Variants in CABIN1 observed in about 807,000 individuals in gnomAD.
The protein encoded by CABIN1 is calcineurin-binding protein cabin-1.
A neutral mutation model predicts 227.7 loss-of-function variants in CABIN1; 133 were observed. The observed-to-expected ratio is 0.58, with a 90% CI of 0.51 to 0.67. The LOEUF is 0.67. Among genes scored for constraint, CABIN1 ranks in the 30% least tolerant of loss-of-function variants. The probability of loss-of-function intolerance (pLI) is 0.00; values close to 1 mark genes in which losing one functional copy is unlikely to be tolerated. For missense variants in CABIN1, 2,408 were observed against 2,852.5 expected (o/e 0.84, Z 3.55); for synonymous variants, 1,086 against 1,155.1 (o/e 0.94, Z 1.21).
chr22:24,069,241 T>C, intron 16 of CABIN1, among the ~76,000 whole-genome samples: 1 of 152,238 alleles, frequency 6.6e-6, no homozygotes. Flanking sequence ...CAGAATCTTT[T>C]TGTTGTTCAC....
chr22:24,089,742 C>T (rs1348556589), intron 23 of CABIN1, among the ~76,000 whole-genome samples: 1 of 152,210 alleles, frequency 6.6e-6, no homozygotes, highest in Non-Finnish European at 1.5e-5. Flanking sequence ...GTTCGAGCTG[C>T]TGTGTGCTTC....
Position 24,063,161 on chromosome 22 carries a change from C to G in CABIN1, c.1884+15C>G. The G allele has an allele frequency of 6.2e-7, 1 of 1,613,600 alleles. No individual in the cohort carries two copies. The highest frequency in any genetic ancestry group is 1.1e-5 in the South Asian group (1 of 91,034). ...TGGCGCTGCAGGTTAGTTCCATGGT[C>G]AGCTGCTTGGGGAGCATGCCCTGAC... On this transcript the variant is annotated intron_variant, in intron 14 of 36. Coordinates refer to ENST00000263119, the MANE Select transcript of CABIN1 (RefSeq NM_012295.4).
chr22:24,157,820 C>T (rs976807572), intron 29 of CABIN1, among the ~76,000 whole-genome samples: 2 of 152,164 alleles, frequency 1.3e-5, no homozygotes, highest in Non-Finnish European at 2.9e-5. Flanking sequence ...TAAGAATAGG[C>T]TGGAACCAGG....
intron 19 of CABIN1, among the ~76,000 whole-genome samples, chr22:24,078,875 AT>A (rs1043309005): frequency 3.3e-5 from 5 of 152,052 alleles, no homozygotes; most frequent in East Asian, 3.9e-4. Flanking sequence ...TTTTGTCCAC[AT>A]TTTTTTATAC....
At chr22:24,015,800 C>CA (rs916804301) in intron 1 of CABIN1, among the ~76,000 whole-genome samples, 1 of 151,312 alleles carries the variant, frequency 6.6e-6, no homozygotes. Context: ...ACTAAAAATA[C>CA]AAAAAAAATT....
chr22:24,117,690 T>A (rs1044147480), intron 27 of CABIN1, among the ~76,000 whole-genome samples: 1 of 152,240 alleles, frequency 6.6e-6, no homozygotes, highest in Admixed American at 6.5e-5. Context: ...TTATGTGTTC[T>A]AAGGACTCTG....
intron 1 of CABIN1, among the ~76,000 whole-genome samples, chr22:24,032,877 G>A (rs541222592): frequency 6.6e-6 from 1 of 152,264 alleles, no homozygotes; most frequent in South Asian, 2.1e-4. Context: ...AGGAATTCGA[G>A]ACCAGCCTGG....
chr22:24,169,092 T>C (rs1156661137), intron 33 of CABIN1, among the ~76,000 whole-genome samples: 1 of 151,494 alleles, frequency 6.6e-6, no homozygotes, highest in Non-Finnish European at 1.5e-5. Flanking sequence ...GGGTCCAAGA[T>C]ATGGCAGGGA....
At chr22:24,145,880 T>C (rs972351091) in intron 29 of CABIN1, among the ~76,000 whole-genome samples, 1 of 152,232 alleles carries the variant, frequency 6.6e-6, no homozygotes, top group East Asian at 1.9e-4. Context: ...TTGGGATTGA[T>C]TGTGGCTTTT....
intron 8 of CABIN1, among the ~76,000 whole-genome samples, chr22:24,052,119 G>A (rs937662829): frequency 6.6e-6 from 1 of 152,180 alleles, no homozygotes; most frequent in African/African-American, 2.4e-5. Flanking sequence ...TTACAGTGAA[G>A]GAGGAAAAGG....
At chr22:24,073,811 A>G (rs2040255155) in intron 18 of CABIN1, among the ~76,000 whole-genome samples, 1 of 152,128 alleles carries the variant, frequency 6.6e-6, no homozygotes, top group Non-Finnish European at 1.5e-5. Context: ...TGGATATGGG[A>G]AGAGGGGCCA....
At chr22:24,165,115 C>G (rs2046370500) in intron 30 of CABIN1, among the ~76,000 whole-genome samples, 1 of 152,234 alleles carries the variant, frequency 6.6e-6, no homozygotes, top group Non-Finnish European at 1.5e-5. Context: ...CTCACTCCGT[C>G]AGCTGGACTG....
At chr22:24,167,378 A>G (rs900255285) in intron 32 of CABIN1, 65 bp downstream of exon 32, 77 of 1,510,418 alleles carry the variant, frequency 5.1e-5, no homozygotes, top group Middle Eastern at 1.9e-4. Context: ...TTGCCTTTCT[A>G]TCCTCAAGGA....
intron 29 of CABIN1, among the ~76,000 whole-genome samples, chr22:24,154,780 G>C (rs2045684053): frequency 6.6e-6 from 1 of 152,194 alleles, no homozygotes; most frequent in African/African-American, 2.4e-5. Context: ...ACCTGGGGCT[G>C]ATTTGGACTA....
intron 34 of CABIN1, chr22:24,175,805 G>T: frequency 2.0e-6 from 1 of 501,646 alleles, no homozygotes. Flanking sequence ...CCTTGTGATG[G>T]GATCTTAAGA....
intron 28 of CABIN1, among the ~76,000 whole-genome samples, chr22:24,120,807 A>C (rs934873326): frequency 2.6e-5 from 4 of 152,240 alleles, no homozygotes; most frequent in Non-Finnish European, 5.9e-5. Flanking sequence ...AGCGAGACTC[A>C]TCTGAAAAAC....
chr22:24,038,269 C>A, intron 3 of CABIN1, 79 bp from the exon 4 acceptor site: 1 of 1,111,860 alleles, frequency 9.0e-7, no homozygotes, highest in Non-Finnish European at 1.4e-6. Flanking sequence ...CTGACTGTAG[C>A]CCCGCCTTAC....
At chr22:24,056,401 A>G (rs746417277) in intron 10 of CABIN1, 41 bp downstream of exon 10, 1 of 1,595,390 alleles carries the variant, frequency 6.3e-7, no homozygotes, top group South Asian at 1.1e-5. Context: ...CAAACCCACA[A>G]AGCTCCAGCA....
At chr22:24,137,243 G>A (rs2044478985) in intron 29 of CABIN1, among the ~76,000 whole-genome samples, 1 of 152,166 alleles carries the variant, frequency 6.6e-6, no homozygotes, top group Admixed American at 6.5e-5. Context: ...TCCTCACAGG[G>A]GAAGACCTCA....
Sources: gnomAD v4.1 joint callset for allele counts (sites outside exome capture counted in the v4.1 genomes callset) on GRCh38, gnomAD v4.1.1 for gene constraint, MANE v1.5 for transcripts, NCBI Gene and HGNC (gene_info 2026-07-23, HGNC 2026-07-21) for gene names.